Variants in AGPS observed in about 807,000 individuals in gnomAD.
AGPS encodes the protein alkylglycerone phosphate synthase.
Under a neutral mutation model 90.7 loss-of-function variants are expected in AGPS, and 26 were observed. The observed-to-expected ratio is 0.29, with a 90% confidence interval of 0.21 to 0.40. AGPS has a LOEUF of 0.40. Among genes scored for constraint, AGPS ranks in the 10% least tolerant of loss-of-function variants. AGPS has a pLI of 1.00. For synonymous variants in AGPS, 294 were observed against 285.3 expected (o/e 1.03, Z -0.31); for missense variants, 540 against 816.1 (o/e 0.66, Z 4.12).
At chr2:177,394,013 A>C (rs1020456093) in intron 1 of AGPS, among the ~76,000 whole-genome samples, 3 of 152,242 alleles carry the variant, frequency 2.0e-5, no homozygotes, top group Non-Finnish European at 4.4e-5. Flanking sequence ...CCCATTTTAC[A>C]GATGAATAAA....
intron 10 of AGPS, among the ~76,000 whole-genome samples, chr2:177,479,803 ATGGT>A: frequency 6.6e-6 from 1 of 152,280 alleles, no homozygotes; most frequent in South Asian, 2.1e-4. Flanking sequence ...TTTAGTGGAT[ATGGT>A]TTCTTTTTTG....
At chr2:177,536,581 A>G (rs933158621) in intron 19 of AGPS, among the ~76,000 whole-genome samples, 5 of 152,180 alleles carry the variant, frequency 3.3e-5, no homozygotes, top group African/African-American at 1.2e-4. Context: ...TTAGGAGATA[A>G]TAGAAGGTCC....
chr2:177,521,355 T>A lies in AGPS; in HGVS notation c.1784T>A (p.Phe595Tyr). 6.2e-7 allele frequency: 1 copy of A among 1,613,630 alleles called. No homozygotes were observed. The highest frequency in any genetic ancestry group is 8.5e-7 in the Non-Finnish European group (1 of 1,179,500). Residue 595 changes from phenylalanine to tyrosine, a missense_variant, in exon 18 of 20, where the codon TTT becomes TAT. Around this residue, in one of 2 missense-constraint regions of AGPS, gnomAD observed 405 missense variants for 692.1 expected, o/e 0.59. Transcript: ENST00000264167. Reference sequence around the variant, plus strand: ...GGAATTAGTGACCCACTGACCGTATTTGAACAAACTGAGGTAATTTTGCAT... The same window carrying A: ...GGAATTAGTGACCCACTGACCGTATATGAACAAACTGAGGTAATTTTGCAT... ...YRGISDPLTV[F>Y]EQTEAAAREE...
At chr2:177,411,011 C>T (rs1018468106) in intron 1 of AGPS, among the ~76,000 whole-genome samples, 2 of 152,156 alleles carry the variant, frequency 1.3e-5, no homozygotes, top group Non-Finnish European at 2.9e-5. Context: ...ATTCAACTTG[C>T]CCAGCCTTTC....
intron 15 of AGPS, among the ~76,000 whole-genome samples, chr2:177,506,886 G>A (rs1688732027): frequency 6.6e-6 from 1 of 151,624 alleles, no homozygotes; most frequent in African/African-American, 2.4e-5. Flanking sequence ...GAGGATATTG[G>A]CCTTTTCCCC....
chr2:177,523,527 A>T (rs898085284), intron 18 of AGPS, among the ~76,000 whole-genome samples: 3 of 152,190 alleles, frequency 2.0e-5, no homozygotes, highest in Non-Finnish European at 4.4e-5. Context: ...TCTCAAAGTG[A>T]TCTTTAGACA....
chr2:177,393,099 C>T, intron 1 of AGPS, 50 bp downstream of exon 1: 1 of 1,550,156 alleles, frequency 6.5e-7, no homozygotes, highest in Non-Finnish European at 8.7e-7. Flanking sequence ...CAGGCCGGGC[C>T]TGTGCTGCAG....
chr2:177,445,157 G>C (rs963512386), intron 7 of AGPS, among the ~76,000 whole-genome samples: 1 of 152,174 alleles, frequency 6.6e-6, no homozygotes, highest in Admixed American at 6.5e-5. Context: ...ACCTGTATAT[G>C]CTGTTTTTTT....
At chr2:177,439,230 C>T (rs1401882828) in intron 5 of AGPS, among the ~76,000 whole-genome samples, 1 of 152,170 alleles carries the variant, frequency 6.6e-6, no homozygotes, top group East Asian at 1.9e-4. Flanking sequence ...AAAATCCGTG[C>T]TCTCAAGTGC....
intron 7 of AGPS, among the ~76,000 whole-genome samples, chr2:177,443,665 A>G (rs1016837634): frequency 7.9e-5 from 12 of 152,222 alleles, no homozygotes; most frequent in African/African-American, 2.9e-4. Context: ...GCTAAAATTG[A>G]TCAAGTTCAG....
chr2:177,530,228 A>T (rs1041956717), intron 19 of AGPS, among the ~76,000 whole-genome samples: 8 of 152,234 alleles, frequency 5.3e-5, no homozygotes, highest in South Asian at 4.1e-4. Context: ...TCAGCATGAA[A>T]GAAAAATAAA....
At chr2:177,494,906 G>C (rs566682041) in intron 12 of AGPS, among the ~76,000 whole-genome samples, 4 of 152,252 alleles carry the variant, frequency 2.6e-5, no homozygotes, top group Non-Finnish European at 5.9e-5. Flanking sequence ...TCAAGCAAAA[G>C]AGGAAATAAT....
intron 19 of AGPS, among the ~76,000 whole-genome samples, chr2:177,528,342 T>C (rs2079107882): frequency 1.3e-5 from 2 of 152,222 alleles, no homozygotes; most frequent in Admixed American, 6.5e-5. Context: ...CAGAACAAAA[T>C]GAAAACTCCT....
intron 7 of AGPS, among the ~76,000 whole-genome samples, chr2:177,445,235 A>G (rs545827317): frequency 1.3e-5 from 2 of 152,216 alleles, no homozygotes; most frequent in Non-Finnish European, 2.9e-5. Context: ...ACATTTTACA[A>G]ATGAGGAAAC....
At chr2:177,452,187 C>G (rs1012242243) in intron 8 of AGPS, among the ~76,000 whole-genome samples, 1 of 152,072 alleles carries the variant, frequency 6.6e-6, no homozygotes, top group Non-Finnish European at 1.5e-5. Flanking sequence ...CTTTAAATGT[C>G]TGTTAGGTCA....
chr2:177,413,168 C>G (rs1346380392), intron 1 of AGPS, among the ~76,000 whole-genome samples: 2 of 152,180 alleles, frequency 1.3e-5, no homozygotes, highest in East Asian at 1.9e-4. Flanking sequence ...CCAACAATTA[C>G]GGTTTACAAC....
intron 9 of AGPS, among the ~76,000 whole-genome samples, chr2:177,466,035 C>T (rs1687436138): frequency 6.6e-6 from 1 of 152,172 alleles, no homozygotes; most frequent in Non-Finnish European, 1.5e-5. Flanking sequence ...TCAGAGGAGA[C>T]TCATATTGGG....
chr2:177,429,053 A>G (rs1008958743), intron 2 of AGPS, among the ~76,000 whole-genome samples: 2 of 151,878 alleles, frequency 1.3e-5, no homozygotes, highest in Non-Finnish European at 2.9e-5. Context: ...TGCCTTGAAG[A>G]CTATAGTCTT....
At chr2:177,398,592 A>T (rs962862764) in intron 1 of AGPS, among the ~76,000 whole-genome samples, 5 of 152,202 alleles carry the variant, frequency 3.3e-5, no homozygotes, top group Non-Finnish European at 7.3e-5. Context: ...ATATCTACTT[A>T]CTATTCATCA....
Sources: allele counts gnomAD v4.1 joint callset (sites outside exome capture counted in the v4.1 genomes callset), GRCh38; gene constraint gnomAD v4.1.1; regional missense constraint gnomAD v4.1.1; transcripts MANE v1.5; gene names NCBI Gene and HGNC (gene_info 2026-07-23, HGNC 2026-07-21).